Variants in BRCA2 observed in about 807,000 individuals in gnomAD.
The protein encoded by BRCA2 is BRCA2 DNA repair associated, also known as breast cancer type 2 susceptibility protein.
Under a neutral mutation model 276.7 loss-of-function variants are expected in BRCA2, and 203 were observed. The ratio of observed to expected loss-of-function variants is 0.73; its 90% CI spans 0.65 to 0.82. BRCA2 has a LOEUF of 0.82. Among genes scored for constraint, BRCA2 ranks in the 40% least tolerant of loss-of-function variants. The pLI, the probability that BRCA2 is intolerant of heterozygous loss-of-function variation, is 0.00. For synonymous variants in BRCA2, 1,289 were observed against 1,338.4 expected, an observed-to-expected ratio of 0.96 and a Z score of 0.81; for missense variants, 3,920 against 3,915.0, an observed-to-expected ratio of 1.00 and a Z score of -0.03.
At chr13:32,395,917 A>C (rs1023232663) in intron 25 of BRCA2, 2 of 232,070 alleles carry the variant, frequency 8.6e-6, no homozygotes, top group African/African-American at 5.2e-5. Flanking sequence ...CCCATACAGC[A>C]TATCTACTGT....
At position 32,398,371 on chromosome 13, in the gene BRCA2, T is replaced by A. The variant is rs1060504614; in HGVS notation, c.9858T>A (p.Ile3286=). The change falls in exon 27 of 27, where the codon ATT becomes ATA. Residue 3286 remains isoleucine, a synonymous_variant. Transcript: ENST00000380152. Reference sequence around the variant, plus strand: ...CTTTACCTCCACCTGTTAGTCCCATTTGTACATTTGTTTCTCCGGCTGCAC... The same window carrying A: ...CTTTACCTCCACCTGTTAGTCCCATATGTACATTTGTTTCTCCGGCTGCAC... The part of the protein sequence containing the change: ...RLPLPPPVSP[I]CTFVSPAAQK... The A allele has an allele frequency of 1.2e-6, 2 of 1,614,146 alleles. No individual in the cohort carries two copies. Among genetic ancestry groups the A allele is most frequent in the Non-Finnish European group, 1.7e-6 (2 of 1,180,012 alleles).
At position 32,326,500 on chromosome 13, in the gene BRCA2, G is replaced by A. The variant is rs28897702; in HGVS notation, c.518G>A (p.Gly173Asp). Residue 173 changes from glycine (G) to aspartate (D), a missense_variant and splice_region_variant, in exon 7 of 27, where the codon GGT (glycine) becomes GAT (aspartate). Physicochemically the swap from Gly to Asp is moderately conservative, Grantham distance 94. Transcript: ENST00000380152. ...ATAAACTATTTTCTTTCCTCCCAGGGTCGTCAGACACCAAAACATATTTCT... is the reference window on the plus strand; with the variant it reads ...ATAAACTATTTTCTTTCCTCCCAGGATCGTCAGACACCAAAACATATTTCT... ...SLFHTPKFVK[G>D]RQTPKHISES... 6.2e-7 allele frequency: 1 copy of A among 1,603,576 alleles called. No individual in the cohort carries two copies. Among genetic ancestry groups the A allele is most frequent in the Non-Finnish European group, 8.5e-7 (1 of 1,170,480 alleles).
chr13:32,385,771 T>C (rs570125746), intron 24 of BRCA2: 1 of 181,414 alleles, frequency 5.5e-6, no homozygotes, highest in Non-Finnish European at 1.2e-5. Flanking sequence ...TCAAAAAGTG[T>C]TGTGCATGAA....
intron 21 of BRCA2, 134 bp from the exon 22 acceptor site, chr13:32,379,183 C>A: frequency 1.3e-6 from 1 of 759,564 alleles, no homozygotes; most frequent in South Asian, 1.9e-5. Flanking sequence ...ATGTGAGAAA[C>A]TGATTACATT....
rs876661199 is a variant in BRCA2, at chr13:32,344,610, A to T, written c.6894A>T (p.Glu2298Asp). 6.3e-7 allele frequency: 1 copy of T among 1,582,916 alleles called. No homozygotes were observed. Among genetic ancestry groups the T allele is most frequent in the African/African-American group, 1.3e-5 (1 of 74,144 alleles). The change falls in exon 12 of 27, where the codon GAA (glutamate) becomes GAT (aspartate). Residue 2298 changes from glutamate (E) to aspartate (D), a missense_variant. By Grantham distance (45) the Glu-to-Asp change is conservative (BLOSUM62 2). Transcript: ENST00000380152. Reference protein sequence around the residue: ...NLLNEFDRIIENQEKSLKASK... With the variant: ...NLLNEFDRIIDNQEKSLKASK... ...TAAATGAATTTGACAGGATAATAGA[A>T]AATCAAGAAAAATCCTTAAAGGCTT...
At chr13:32,328,122 A>G (rs933332950) in intron 7 of BRCA2, among the ~76,000 whole-genome samples, 3 of 152,216 alleles carry the variant, frequency 2.0e-5, no homozygotes, top group African/African-American at 7.2e-5. Context: ...TTATAGTACA[A>G]ACAAGTATTT....
chr13:32,319,259 C>T lies in BRCA2; in HGVS notation c.250C>T (p.Gln84Ter), dbSNP rs80358515. 4 of 1,613,784 alleles carry T rather than the reference C, an allele frequency of 2.5e-6. No individual in the cohort carries two copies. The highest frequency in any genetic ancestry group is 3.4e-6 in the Non-Finnish European group (4 of 1,179,710). ...LASTPIIFKE[Q>*]GLTLPLYQSP... is the part of the protein sequence containing the mutation. ...TTCAACTCCAATAATATTCAAAGAG[C>T]AAGGGCTGACTCTGCCGCTGTACCA... is the stretch of plus-strand genomic sequence containing the variant. Residue 84 changes from glutamine (Q) to a stop codon, truncating the protein, a stop_gained, in exon 3 of 27, where the codon CAA becomes TAA. Transcript: ENST00000380152. LOFTEE classifies it high-confidence loss of function.
intron 24 of BRCA2, among the ~76,000 whole-genome samples, chr13:32,382,440 G>A (rs905712318): frequency 1.1e-4 from 16 of 152,236 alleles, no homozygotes; most frequent in African/African-American, 3.6e-4. Context: ...GAGGAATACT[G>A]GAGTGAGGTA....
rs2072522196 is a variant in BRCA2, at chr13:32,339,521, T to C, written c.5166T>C (p.Ser1722=). The C allele has an allele frequency of 6.2e-7, 1 of 1,602,640 alleles. No homozygotes were observed. The highest frequency in any genetic ancestry group is 1.1e-5 in the South Asian group (1 of 88,820). Residue 1722 remains serine (S), a synonymous_variant, in exon 11 of 27, where the codon AGT becomes AGC. Coordinates refer to ENST00000380152, the MANE Select transcript of BRCA2 (RefSeq NM_000059.4). ...GNYLYENNSN[S]TIAENDKNHL... ...ATTTGTATGAAAATAATTCAAACAG[T>C]ACTATAGCTGAAAATGACAAAAATC...
chr13:32,360,480 C>T (rs2072731111), intron 16 of BRCA2, among the ~76,000 whole-genome samples: 1 of 152,162 alleles, frequency 6.6e-6, no homozygotes, highest in South Asian at 2.1e-4. Flanking sequence ...CTGCCTCAGC[C>T]TCCCGTGTAG....
chr13:32,339,728 A>G lies in BRCA2; in HGVS notation c.5373A>G (p.Ile1791Met), dbSNP rs1060502406. ...DQKNTSFSKV[I>M]SNVKDANAYP... Reference sequence around the variant, plus strand: ...AAAACACTAGTTTTTCCAAAGTAATATCCAATGTAAAAGATGCAAATGCAT... The same window carrying G: ...AAAACACTAGTTTTTCCAAAGTAATGTCCAATGTAAAAGATGCAAATGCAT... Residue 1791 changes from isoleucine (I) to methionine (M), a missense_variant, in exon 11 of 27, where the codon ATA (isoleucine) becomes ATG (methionine). Transcript: ENST00000380152. 1 of 1,613,724 alleles carries G rather than the reference A, an allele frequency of 6.2e-7. No individual in the cohort carries two copies. Among genetic ancestry groups the G allele is most frequent in the Non-Finnish European group, 8.5e-7 (1 of 1,179,814 alleles).
At chr13:32,368,811 TTTTTTTTG>T (rs2072806955) in intron 18 of BRCA2, among the ~76,000 whole-genome samples, 1 of 128,378 alleles carries the variant, frequency 7.8e-6, no homozygotes, top group East Asian at 2.5e-4. Flanking sequence ...TTTTTTTTGG[TTTTTTTTG>T]TTTTTTTTTT....
At position 32,371,054 on chromosome 13, in the gene BRCA2, A is replaced by G. The variant is rs1555287778; in HGVS notation, c.8586A>G (p.Leu2862=). Residue 2862 remains leucine (L), a synonymous_variant, in exon 20 of 27, where the codon CTA becomes CTG. Transcript: ENST00000380152. ...AKYVEAQQKR[L]EALFTKIQEE... ...ATGTGGAGGCCCAACAAAAGAGACT[A>G]GAAGCCTTATTCACTAAAATTCAGG... is the stretch of plus-strand genomic sequence containing the variant. 6.8e-6 allele frequency: 11 copies of G among 1,614,078 alleles called. No individual in the cohort carries two copies. Among genetic ancestry groups the G allele is most frequent in the African/African-American group, 1.3e-5 (1 of 74,946 alleles).
In BRCA2 at chr13:32,396,960, T is replaced by C. The variant is rs398122616; in HGVS notation, c.9564T>C (p.Asp3188=). The C allele has an allele frequency of 5.6e-6, 9 of 1,614,034 alleles. No homozygotes were observed. Among genetic ancestry groups the C allele is most frequent in the Non-Finnish European group, 7.6e-6 (9 of 1,179,910 alleles). The change falls in exon 26 of 27, where the codon GAT becomes GAC. Residue 3188 remains aspartate (D), a synonymous_variant. Coordinates refer to ENST00000380152, the MANE Select transcript of BRCA2 (RefSeq NM_000059.4). ...NKLMHILHAN[D]PKWSTPTKDC... is the part of the protein sequence containing the mutation. ...TTATGCATATACTGCATGCAAATGA[T>C]CCCAAGTGGTCCACCCCAACTAAAG... is the stretch of plus-strand genomic sequence containing the variant.
intron 7 of BRCA2, 136 bp downstream of exon 7, chr13:32,326,749 ATAATT>A: frequency 1.5e-6 from 1 of 673,116 alleles, no homozygotes; most frequent in Non-Finnish European, 2.5e-6. Flanking sequence ...GTAACTGACA[ATAATT>A]TTATTCTATT....
At chr13:32,396,715 C>A in intron 25 of BRCA2, 183 bp from the exon 26 acceptor site, 1 of 686,332 alleles carries the variant, frequency 1.5e-6, no homozygotes, top group Non-Finnish European at 2.5e-6. Flanking sequence ...CTAGATTCCC[C>A]TAAATCACTG....
rs80358489 is a variant in BRCA2 at position 32,336,480 on chromosome 13, C to T, written c.2125C>T (p.Leu709=). The part of the protein sequence containing the change: ...QLFITPEADS[L]SCLQEGQCEN... The stretch of plus-strand genomic sequence containing the variant: ...ATTTATTACCCCAGAAGCTGATTCT[C>T]TGTCATGCCTGCAGGAAGGACAGTG... Residue 709 remains leucine (L), a synonymous_variant, in exon 11 of 27, where the codon CTG becomes TTG. Coordinates refer to ENST00000380152, the MANE Select transcript of BRCA2 (RefSeq NM_000059.4). 2 of 1,614,056 alleles carry T rather than the reference C, an allele frequency of 1.2e-6. No individual in the cohort carries two copies. The highest frequency in any genetic ancestry group is 3.3e-5 in the Admixed American group (2 of 59,992).
intron 13 of BRCA2, among the ~76,000 whole-genome samples, chr13:32,351,080 G>A (rs1029002895): frequency 6.6e-6 from 1 of 152,186 alleles, no homozygotes; most frequent in Non-Finnish European, 1.5e-5. Flanking sequence ...CCAAATAAGG[G>A]AATAAAAGCT....
chr13:32,369,572 ATTTG>A (rs1445413362), intron 18 of BRCA2, among the ~76,000 whole-genome samples: 5 of 152,130 alleles, frequency 3.3e-5, no homozygotes, highest in African/African-American at 4.8e-5. Context: ...TGTGAAGATA[ATTTG>A]TTTGTTTGTT....
Sources: gnomAD v4.1 joint callset for allele counts (sites outside exome capture counted in the v4.1 genomes callset) on GRCh38, gnomAD v4.1.1 for gene constraint, MANE v1.5 for transcripts, NCBI Gene and HGNC (gene_info 2026-07-23, HGNC 2026-07-21) for gene names.